Variants in ERICH3 observed in about 807,000 individuals in gnomAD.
The protein encoded by ERICH3 is glutamate-rich protein 3.
Under a neutral mutation model 131.1 loss-of-function variants are expected in ERICH3, and 126 were observed. The ratio of observed to expected loss-of-function variants is 0.96; its 90% CI spans 0.83 to 1.11. ERICH3 has a LOEUF of 1.11. ERICH3 is among the 50% of genes most tolerant of loss of function. The pLI, the probability that ERICH3 is intolerant of heterozygous loss-of-function variation, is 0.00. For missense variants in ERICH3, 2,050 were observed against 1,810.7 expected (o/e 1.13, Z -2.40); for synonymous variants, 695 against 644.6 (o/e 1.08, Z -1.18).
chr1:74,576,883 T>G lies in ERICH3; in HGVS notation c.2218+12A>C, dbSNP rs1327492601. ...TCACTCTAATTGGACCTCTTGCAGA[T>G]GGAATACTTACCACCAAGAGCCAGG... On this transcript the variant is annotated intron_variant, in intron 13 of 14. Transcript: ENST00000326665. 1.3e-6 allele frequency: 2 copies of G among 1,593,180 alleles called. No homozygotes were observed. The highest frequency in any genetic ancestry group is 1.4e-5 in the African/African-American group (1 of 72,974).
chr1:74,633,716 A>G (rs907250737), intron 6 of ERICH3, among the ~76,000 whole-genome samples: 1 of 152,072 alleles, frequency 6.6e-6, no homozygotes, highest in Non-Finnish European at 1.5e-5. Context: ...CAAATACAAC[A>G]GTACAAAATA....
intron 1 of ERICH3, among the ~76,000 whole-genome samples, chr1:74,656,432 A>G (rs1646584353): frequency 6.6e-6 from 1 of 152,112 alleles, no homozygotes; most frequent in Admixed American, 6.5e-5. Flanking sequence ...CTCCATCACA[A>G]AATAGTCATC....
intron 12 of ERICH3, 21 bp from the exon 13 acceptor site, chr1:74,576,957 GA>G (rs756013428): frequency 1.1e-4 from 155 of 1,429,446 alleles, no homozygotes; most frequent in Non-Finnish European, 1.2e-4. Context: ...AAAAAAAAAA[GA>G]AAAAAAAGGT....
intron 9 of ERICH3, among the ~76,000 whole-genome samples, chr1:74,607,955 A>G (rs1051424263): frequency 1.3e-5 from 2 of 151,906 alleles, no homozygotes; most frequent in Non-Finnish European, 2.9e-5. Context: ...CTCATAGACC[A>G]ATAAATTAAG....
chr1:74,673,223 G>A (rs1480205163), intron 1 of ERICH3, among the ~76,000 whole-genome samples: 2 of 152,192 alleles, frequency 1.3e-5, no homozygotes, highest in Admixed American at 6.5e-5. Context: ...CTTAATGTAT[G>A]CGTTTTTCAC....
intron 11 of ERICH3, among the ~76,000 whole-genome samples, chr1:74,590,914 A>G (rs1485116129): frequency 6.6e-6 from 1 of 152,172 alleles, no homozygotes; most frequent in Non-Finnish European, 1.5e-5. Context: ...CTTTATAAAT[A>G]TTCACTTTGT....
In ERICH3 at chr1:74,643,021, C is replaced by A. The variant is rs754768286; in HGVS notation, c.315+6G>T. ...TGAAGTAAAAGAGAGTTATATAACTCCTTACCTTAAACCTCTGGATTCGCT... is the reference window on the plus strand; with the variant it reads ...TGAAGTAAAAGAGAGTTATATAACTACTTACCTTAAACCTCTGGATTCGCT... On this transcript the variant is annotated splice_donor_region_variant and intron_variant, in intron 4 of 14. Coordinates refer to ENST00000326665, the MANE Select transcript of ERICH3 (RefSeq NM_001002912.5). 42 of 1,593,076 alleles carry A rather than the reference C, an allele frequency of 2.6e-5. No homozygotes were observed. In the East Asian group the frequency reaches 9.2e-4, roughly 35 times the overall value.
At chr1:74,584,884 A>G (rs1271298488) in intron 12 of ERICH3, among the ~76,000 whole-genome samples, 1 of 152,138 alleles carries the variant, frequency 6.6e-6, no homozygotes, top group African/African-American at 2.4e-5. Flanking sequence ...TTGTATTTAG[A>G]CCTCAACTCA....
chr1:74,659,199 T>C (rs919837542), intron 1 of ERICH3, among the ~76,000 whole-genome samples: 1 of 152,074 alleles, frequency 6.6e-6, no homozygotes, highest in Non-Finnish European at 1.5e-5. Context: ...AGAGGATTGC[T>C]CCAGGAAGAG....
At chr1:74,617,683 G>C (rs1468547610) in intron 8 of ERICH3, among the ~76,000 whole-genome samples, 2 of 152,202 alleles carry the variant, frequency 1.3e-5, no homozygotes, top group African/African-American at 2.4e-5. Flanking sequence ...TCCTGGGGCT[G>C]TCTATGAGAC....
intron 1 of ERICH3, among the ~76,000 whole-genome samples, chr1:74,667,797 G>C (rs1000472537): frequency 5.9e-5 from 9 of 152,152 alleles, no homozygotes; most frequent in African/African-American, 2.2e-4. Context: ...CTTGGATAAG[G>C]ATAGTTGATA....
At chr1:74,583,104 T>G (rs1239765663) in intron 12 of ERICH3, among the ~76,000 whole-genome samples, 3 of 152,136 alleles carry the variant, frequency 2.0e-5, no homozygotes, top group Non-Finnish European at 4.4e-5. Flanking sequence ...GGTAAAGCTT[T>G]AGATGTCATT....
intron 10 of ERICH3, among the ~76,000 whole-genome samples, chr1:74,604,219 G>A (rs566671084): frequency 1.3e-5 from 2 of 151,910 alleles, no homozygotes; most frequent in Admixed American, 6.6e-5. Context: ...ATCTATTCAA[G>A]TTTTATAATG....
intron 1 of ERICH3, among the ~76,000 whole-genome samples, chr1:74,668,104 T>TTTTCTTTA (rs1646708625): frequency 6.6e-6 from 1 of 152,206 alleles, no homozygotes; most frequent in Non-Finnish European, 1.5e-5. Flanking sequence ...ATTAAACCTT[T>TTTTCTTTA]TTTCTTTATA....
intron 4 of ERICH3, among the ~76,000 whole-genome samples, chr1:74,641,914 G>A (rs1309879727): frequency 1.3e-5 from 2 of 152,062 alleles, no homozygotes; most frequent in Non-Finnish European, 2.9e-5. Flanking sequence ...AGAGGCACAA[G>A]GGTAGCAAAT....
At chr1:74,599,516 A>G (rs1182551088) in intron 11 of ERICH3, among the ~76,000 whole-genome samples, 179 bp downstream of exon 11, 1 of 151,856 alleles carries the variant, frequency 6.6e-6, no homozygotes, top group Non-Finnish European at 1.5e-5. Flanking sequence ...TGTACGACGA[A>G]CCCCCATGAC....
chr1:74,667,038 C>G (rs1646699104), intron 1 of ERICH3, among the ~76,000 whole-genome samples: 1 of 152,002 alleles, frequency 6.6e-6, no homozygotes, highest in Admixed American at 6.6e-5. Flanking sequence ...AGTAGCTGGT[C>G]AGTTAAACAA....
chr1:74,579,282 C>T, intron 12 of ERICH3: 1 of 588,514 alleles, frequency 1.7e-6, no homozygotes, highest in South Asian at 7.4e-5. Context: ...AAGTAGTCCA[C>T]AGGGTATAAA....
At chr1:74,631,663 C>A (rs1374998725) in intron 7 of ERICH3, 50 bp downstream of exon 7, 1 of 1,432,964 alleles carries the variant, frequency 7.0e-7, no homozygotes, top group African/African-American at 1.4e-5. Flanking sequence ...TCTAATAGTG[C>A]AATGTAATCT....
Sources: allele counts gnomAD v4.1 joint callset (sites outside exome capture counted in the v4.1 genomes callset), GRCh38; gene constraint gnomAD v4.1.1; transcripts MANE v1.5; gene names NCBI Gene and HGNC (gene_info 2026-07-23, HGNC 2026-07-21).